Variants in DNAH7 observed in about 807,000 individuals in gnomAD.
DNAH7 encodes the protein dynein axonemal heavy chain 7.
A neutral mutation model predicts 444.6 loss-of-function variants in DNAH7; 397 were observed. That is an observed-to-expected ratio of 0.89 (90% confidence interval 0.82 to 0.97). The LOEUF is 0.97. DNAH7 is among the 50% of genes least tolerant of loss of function. The probability of loss-of-function intolerance (pLI) is 0.00; values close to 1 mark genes in which losing one functional copy is unlikely to be tolerated. For synonymous variants in DNAH7, 1,636 were observed against 1,624.4 expected (o/e 1.01, Z -0.17); for missense variants, 4,902 against 4,800.8 (o/e 1.02, Z -0.62).
intron 10 of DNAH7, among the ~76,000 whole-genome samples, chr2:196,006,837 AT>A (rs1486951178): frequency 6.6e-6 from 1 of 152,094 alleles, no homozygotes; most frequent in Admixed American, 6.5e-5. Context: ...AAACCAAAAA[AT>A]GTAAATACAT....
rs1696742586 is a variant in DNAH7, at chr2:195,806,921, A to C, written c.10084-89T>G. 3 of 911,596 alleles carry C rather than the reference A, an allele frequency of 3.3e-6. 1 individual carries two copies. The East Asian group carries it at 8.2e-5, about 25-fold the overall frequency. The allele number at this position is 911,596 out of a possible 1,614,324, so 56.5% of individuals were successfully genotyped here. A position where few individuals can be genotyped will look rare whatever the true frequency, so the allele number is the denominator to read the frequency against. ...TATAAACCAACTTTTAGAATATATA[A>C]ATGAAATCAAGAATGCTTGTCTAAA... On this transcript the variant is annotated intron_variant, in intron 53 of 64. Transcript: ENST00000312428.
intron 40 of DNAH7, among the ~76,000 whole-genome samples, chr2:195,870,759 C>A (rs1700632614): frequency 6.6e-6 from 1 of 152,146 alleles, no homozygotes; most frequent in East Asian, 1.9e-4. Context: ...GAAAACAATC[C>A]CTCACCAGAC....
At chr2:196,008,972 T>C (rs1472904010) in intron 10 of DNAH7, among the ~76,000 whole-genome samples, 1 of 144,022 alleles carries the variant, frequency 6.9e-6, no homozygotes, top group Non-Finnish European at 1.5e-5. Flanking sequence ...AACATTATAA[T>C]TACGGCAGAA....
intron 58 of DNAH7, among the ~76,000 whole-genome samples, chr2:195,786,467 A>G (rs1385603665): frequency 6.6e-6 from 1 of 152,262 alleles, no homozygotes; most frequent in Non-Finnish European, 1.5e-5. Context: ...GTATGAGTAC[A>G]TCAGAACTGG....
At chr2:195,839,649 C>T (rs1218157379) in intron 47 of DNAH7, among the ~76,000 whole-genome samples, 1 of 151,520 alleles carries the variant, frequency 6.6e-6, no homozygotes, top group Non-Finnish European at 1.5e-5. Context: ...AAAGAATACA[C>T]AAATTATCAA....
rs942513913 is a variant in DNAH7 at position 195,872,313 on chromosome 2, A to C, written c.6570T>G (p.Val2190=). ...CTGTTGTTTCTGGTCTTGACAAACA[A>C]ACACCTTGAATGACACGGGAGAAAT... ...LRDFSRVIQG[V]CLSRPETTET... is the part of the protein sequence containing the mutation. The change falls in exon 40 of 65, where the codon GTT becomes GTG. Residue 2190 remains valine (V), a synonymous_variant. Transcript: ENST00000312428. The C allele has an allele frequency of 5.0e-6, 8 of 1,613,862 alleles. No homozygotes were observed. The highest frequency in any genetic ancestry group is 1.3e-5 in the African/African-American group (1 of 74,914).
chr2:196,003,065 G>T (rs1303658893), intron 10 of DNAH7, among the ~76,000 whole-genome samples: 1 of 149,746 alleles, frequency 6.7e-6, no homozygotes, highest in Non-Finnish European at 1.5e-5. Flanking sequence ...TAAAGGCAAT[G>T]TGTCATAAAA....
At chr2:195,950,258 C>G (rs998098337) in intron 19 of DNAH7, among the ~76,000 whole-genome samples, 5 of 151,980 alleles carry the variant, frequency 3.3e-5, no homozygotes, top group African/African-American at 1.2e-4. Flanking sequence ...GGTTGGTAGG[C>G]TATTAATTAC....
chr2:195,859,863 T>C (rs972627155), intron 42 of DNAH7, among the ~76,000 whole-genome samples: 5 of 152,166 alleles, frequency 3.3e-5, no homozygotes, highest in Non-Finnish European at 7.4e-5. Flanking sequence ...TTCAATATGG[T>C]GGCTAATCCC....
intron 21 of DNAH7, among the ~76,000 whole-genome samples, chr2:195,933,044 G>C (rs904779044): frequency 6.6e-6 from 1 of 152,068 alleles, no homozygotes; most frequent in Non-Finnish European, 1.5e-5. Context: ...GAATCCATCT[G>C]GTCCTGGACT....
At chr2:195,917,120 A>G (rs1036258761) in intron 24 of DNAH7, among the ~76,000 whole-genome samples, 4 of 151,372 alleles carry the variant, frequency 2.6e-5, no homozygotes, top group Admixed American at 6.6e-5. Flanking sequence ...AAAAAAAAAA[A>G]AAAGATTGCA....
At position 196,024,455 on chromosome 2, in the gene DNAH7, T is replaced by C; in HGVS notation, c.717A>G (p.Thr239=). 3 of 1,585,102 alleles carry C rather than the reference T, an allele frequency of 1.9e-6. No individual in the cohort carries two copies. The highest frequency in any genetic ancestry group is 2.6e-6 in the Non-Finnish European group (3 of 1,168,552). The change falls in exon 8 of 65, where the codon ACA becomes ACG. Residue 239 remains threonine, a synonymous_variant. Coordinates refer to ENST00000312428, the MANE Select transcript of DNAH7 (RefSeq NM_018897.3). ...CAGCACGATGGGCTGGAAGTTCATCTGTCTTCTTATCATCTCCTTTCTCTC... is the reference window on the plus strand; with the variant it reads ...CAGCACGATGGGCTGGAAGTTCATCCGTCTTCTTATCATCTCCTTTCTCTC... The part of the protein sequence containing the change: ...DPREKGDDKK[T]DELPAHRAEM...
Position 195,778,004 on chromosome 2 carries a change from G to A in DNAH7, c.10879-19C>T. ...GCAGTTCCTAAAATAGTGCGTGTCA[G>A]TCAACCAGTTATCAGTAGCATGTTA... On this transcript the variant is annotated intron_variant, in intron 58 of 64. Coordinates refer to ENST00000312428, the MANE Select transcript of DNAH7 (RefSeq NM_018897.3). 6.3e-7 allele frequency: 1 copy of A among 1,576,234 alleles called. No individual in the cohort carries two copies. The highest frequency in any genetic ancestry group is 1.3e-5 in the African/African-American group (1 of 74,178).
intron 22 of DNAH7, among the ~76,000 whole-genome samples, chr2:195,924,310 G>A (rs767567158): frequency 6.6e-6 from 1 of 152,056 alleles, no homozygotes; most frequent in Non-Finnish European, 1.5e-5. Context: ...ACAAAAGACA[G>A]CCCAGGGCTG....
At chr2:196,006,039 T>C (rs1694354033) in intron 10 of DNAH7, among the ~76,000 whole-genome samples, 1 of 152,050 alleles carries the variant, frequency 6.6e-6, no homozygotes, top group South Asian at 2.1e-4. Flanking sequence ...TATGATCATA[T>C]GTGATGGCTC....
intron 53 of DNAH7, among the ~76,000 whole-genome samples, chr2:195,807,397 A>T (rs189351784): frequency 2.6e-4 from 40 of 152,242 alleles, no homozygotes; most frequent in Non-Finnish European, 2.9e-5. Context: ...ACCTCAAGTG[A>T]TCCACCTGTC....
In DNAH7 at chr2:195,990,709, C is replaced by A. The variant is rs77701549; in HGVS notation, c.1354-2480G>T. On this transcript the variant is annotated intron_variant, in intron 12 of 64. Transcript: ENST00000312428. ...TGGATTTATTTCTAGGTTATCTATG[C>A]CATTCCATTGGTCTATGTGTTTGTT... 3.4e-3 allele frequency among the ~76,000 whole-genome samples: 508 copies of A among 149,336 alleles called. 2 individuals carry two copies. The highest frequency in any genetic ancestry group is 0.016 in the South Asian group (77 of 4,740).
intron 63 of DNAH7, among the ~76,000 whole-genome samples, chr2:195,746,280 T>A (rs1381119223): frequency 1.3e-5 from 2 of 152,014 alleles, no homozygotes; most frequent in Non-Finnish European, 2.9e-5. Flanking sequence ...AAGGGATCAA[T>A]TCAACAAGAA....
At chr2:195,865,487 A>G (rs1212319797) in intron 40 of DNAH7, among the ~76,000 whole-genome samples, 2 of 152,162 alleles carry the variant, frequency 1.3e-5, no homozygotes, top group Non-Finnish European at 2.9e-5. Context: ...CAAAAAGCAC[A>G]TTTTCTAGAA....
Sources: gnomAD v4.1 joint callset for allele counts (sites outside exome capture counted in the v4.1 genomes callset) on GRCh38, gnomAD v4.1.1 for gene constraint, MANE v1.5 for transcripts, NCBI Gene and HGNC (gene_info 2026-07-23, HGNC 2026-07-21) for gene names.